NCKAP5: variants seen among roughly 807,000 people sequenced by gnomAD.
The protein encoded by NCKAP5 is NCK associated protein 5.
NCKAP5 carries 92 observed loss-of-function variants against 167.0 expected under a neutral mutation model. The ratio of observed to expected loss-of-function variants is 0.55; its 90% confidence interval spans 0.47 to 0.66. The LOEUF is 0.66. NCKAP5 is among the 30% of genes least tolerant of loss of function. The pLI is 0.00. For missense variants in NCKAP5, 2,378 were observed against 2,315.0 expected, an observed-to-expected ratio of 1.03 and a Z score of -0.56; for synonymous variants, 891 against 877.4, an observed-to-expected ratio of 1.02 and a Z score of -0.27.
chr2:133,606,984 G>C, the NCKAP5 span, among the ~76,000 whole-genome samples: 1 of 152,178 alleles, frequency 6.6e-6, no homozygotes, highest in East Asian at 1.9e-4. Context: ...TAGGATATCA[G>C]ATAATAGAAA....
intron 16 of NCKAP5, among the ~76,000 whole-genome samples, chr2:132,763,744 C>T (rs1047648249): frequency 5.9e-5 from 9 of 152,200 alleles, no homozygotes; most frequent in Admixed American, 5.2e-4. Context: ...CTGCTCTGTG[C>T]CATCAGATGT....
the NCKAP5 span, among the ~76,000 whole-genome samples, chr2:133,602,897 A>G: frequency 6.6e-6 from 1 of 152,170 alleles, no homozygotes; most frequent in African/African-American, 2.4e-5. Flanking sequence ...TCAGGGCAGT[A>G]GTGGGGAATA....
chr2:133,081,616 T>C (rs893682052), intron 6 of NCKAP5, among the ~76,000 whole-genome samples: 2 of 152,204 alleles, frequency 1.3e-5, no homozygotes, highest in African/African-American at 4.8e-5. Flanking sequence ...AGTATGGCAA[T>C]TATTATTCAA....
chr2:132,797,220 C>G (rs559031511), intron 11 of NCKAP5, among the ~76,000 whole-genome samples: 37 of 152,270 alleles, frequency 2.4e-4, no homozygotes, highest in South Asian at 1.2e-3. Context: ...AACTCAAAGT[C>G]ATTAATGTCA....
chr2:133,662,994 C>T, the NCKAP5 span, among the ~76,000 whole-genome samples: 17 of 152,068 alleles, frequency 1.1e-4, no homozygotes, highest in African/African-American at 4.1e-4. Flanking sequence ...GGGCCGGGCG[C>T]GGTGGCTCAC....
intron 3 of NCKAP5, among the ~76,000 whole-genome samples, chr2:133,431,435 C>T (rs72846350): frequency 0.11 from 16,232 of 152,168 alleles, 923 homozygotes; most frequent in Middle Eastern, 0.18. Flanking sequence ...GAGGTGTAGA[C>T]AACCGTTTCC....
At chr2:132,908,702 G>C (rs1355696405) in intron 8 of NCKAP5, among the ~76,000 whole-genome samples, 1 of 152,130 alleles carries the variant, frequency 6.6e-6, no homozygotes, top group Non-Finnish European at 1.5e-5. Flanking sequence ...ATTAAGAAAT[G>C]AAAGAATATC....
At chr2:133,286,188 C>T (rs112880780) in intron 4 of NCKAP5, among the ~76,000 whole-genome samples, 3 of 151,972 alleles carry the variant, frequency 2.0e-5, no homozygotes, top group East Asian at 1.9e-4. Flanking sequence ...TTAGTAGAGA[C>T]GGGGTTTCAC....
intron 3 of NCKAP5, among the ~76,000 whole-genome samples, chr2:133,343,223 C>T (rs1487457156): frequency 2.0e-5 from 3 of 152,140 alleles, no homozygotes; most frequent in Non-Finnish European, 4.4e-5. Context: ...CTGAACATAT[C>T]ATGCAATGTG....
At chr2:133,447,487 CCCCTTCTCTT>C (rs1691274313) in intron 3 of NCKAP5, among the ~76,000 whole-genome samples, 2 of 146,384 alleles carry the variant, frequency 1.4e-5, no homozygotes, top group South Asian at 2.2e-4. Context: ...CCCTGCCTTT[CCCCTTCTCTT>C]CCCTTCCTTT....
intron 6 of NCKAP5, among the ~76,000 whole-genome samples, chr2:133,020,386 A>G (rs2078484406): frequency 6.6e-6 from 1 of 152,224 alleles, no homozygotes; most frequent in Non-Finnish European, 1.5e-5. Flanking sequence ...CAGATAAGGG[A>G]TGAGCAGGAC....
intron 3 of NCKAP5, among the ~76,000 whole-genome samples, chr2:133,428,776 C>G (rs749873169): frequency 9.9e-5 from 15 of 151,958 alleles, no homozygotes; most frequent in African/African-American, 3.6e-4. Context: ...CTGGACAATA[C>G]GTATTTGAAA....
chr2:133,092,238 A>G (rs1034726381), intron 6 of NCKAP5, among the ~76,000 whole-genome samples: 9 of 152,210 alleles, frequency 5.9e-5, no homozygotes, highest in African/African-American at 1.9e-4. Flanking sequence ...CTGAAATCCA[A>G]TTGGGCCTGA....
chr2:132,681,651 A>G (rs1214501090), intron 19 of NCKAP5, among the ~76,000 whole-genome samples: 2 of 152,238 alleles, frequency 1.3e-5, no homozygotes, highest in Non-Finnish European at 2.9e-5. Context: ...TCCCCTTCCA[A>G]AAGAAAATCT....
intron 3 of NCKAP5, among the ~76,000 whole-genome samples, chr2:133,336,283 G>A (rs922748472): frequency 4.6e-5 from 7 of 152,134 alleles, no homozygotes; most frequent in East Asian, 1.9e-4. Context: ...TTACATATAA[G>A]GAAGCAAACA....
chr2:132,911,803 T>G (rs943730326), intron 8 of NCKAP5, among the ~76,000 whole-genome samples: 1 of 152,118 alleles, frequency 6.6e-6, no homozygotes, highest in African/African-American at 2.4e-5. Flanking sequence ...GGAAAAAGAT[T>G]TATTATTCCC....
At chr2:132,736,577 G>A (rs901188877) in intron 16 of NCKAP5, among the ~76,000 whole-genome samples, 1 of 151,488 alleles carries the variant, frequency 6.6e-6, no homozygotes, top group Non-Finnish European at 1.5e-5. Flanking sequence ...TCAAGAGATC[G>A]AGACCATCCT....
chr2:132,960,396 C>T (rs2076476394), intron 8 of NCKAP5, among the ~76,000 whole-genome samples: 1 of 152,070 alleles, frequency 6.6e-6, no homozygotes, highest in Admixed American at 6.5e-5. Flanking sequence ...GATCTGGGAA[C>T]TGAGGAGAAA....
At chr2:133,449,100 T>C (rs1691392481) in intron 3 of NCKAP5, among the ~76,000 whole-genome samples, 1 of 152,236 alleles carries the variant, frequency 6.6e-6, no homozygotes. Context: ...TATCATATTG[T>C]ATAAAATAAT....
Sources: allele counts gnomAD v4.1 joint callset (sites outside exome capture counted in the v4.1 genomes callset), GRCh38; gene constraint gnomAD v4.1.1; transcripts MANE v1.5; gene names NCBI Gene and HGNC (gene_info 2026-07-23, HGNC 2026-07-21).